BMS1: variants seen among roughly 807,000 people sequenced by gnomAD.
BMS1 encodes BMS1 ribosome biogenesis factor, also known as ribosome biogenesis protein BMS1 homolog.
A neutral mutation model predicts 138.7 loss-of-function variants in BMS1; 53 were observed. That is an observed-to-expected ratio of 0.38 (90% CI 0.31 to 0.48). The LOEUF is 0.48. BMS1 is among the 20% of genes least tolerant of loss of function. The pLI is 0.97. For missense variants in BMS1, 1,360 were observed against 1,565.5 expected (o/e 0.87, Z 2.22); for synonymous variants, 504 against 539.9 (o/e 0.93, Z 0.92).
intron 4 of BMS1, 83 bp downstream of exon 4, chr10:42,787,330 G>C (rs1349524727): frequency 2.4e-5 from 24 of 1,006,610 alleles, no homozygotes; most frequent in Non-Finnish European, 1.5e-6. Flanking sequence ...GAAGGGAAGA[G>C]AGTCTTATAA....
At chr10:42,817,842 A>T (rs187980991) in intron 15 of BMS1, among the ~76,000 whole-genome samples, 1 of 152,230 alleles carries the variant, frequency 6.6e-6, no homozygotes, top group South Asian at 2.1e-4. Flanking sequence ...GCCTATTCCA[A>T]TCGCTGCTCC....
intron 5 of BMS1, among the ~76,000 whole-genome samples, chr10:42,791,369 G>A (rs1045538433): frequency 1.3e-5 from 2 of 152,104 alleles, no homozygotes; most frequent in Admixed American, 6.6e-5. Context: ...CCACAGAACC[G>A]TTTCTGTGCT....
chr10:42,818,932 C>T lies in BMS1; in HGVS notation c.2581-1304C>T, dbSNP rs184528916. Reference sequence around the variant, plus strand: ...ATGGAGGCGAAGCATTGTTCAGATCCTGCTGCCATGTTAACTACGGTGAAG... The same window carrying T: ...ATGGAGGCGAAGCATTGTTCAGATCTTGCTGCCATGTTAACTACGGTGAAG... On this transcript the variant is annotated intron_variant, in intron 15 of 22. Transcript: ENST00000374518. 8.7e-4 allele frequency among the ~76,000 whole-genome samples: 133 copies of T among 152,300 alleles called. 3 individuals are homozygous for T. The highest frequency in any genetic ancestry group is 8.1e-3 in the Admixed American group (124 of 15,296).
chr10:42,820,758 G>T (rs1842483609), intron 17 of BMS1, 70 bp downstream of exon 17: 8 of 1,549,780 alleles, frequency 5.2e-6, no homozygotes, highest in Non-Finnish European at 7.0e-6. Flanking sequence ...TTATAGCTTT[G>T]TGCTTTTCTT....
At chr10:42,785,247 C>A (rs752739436) in intron 2 of BMS1, among the ~76,000 whole-genome samples, 1 of 152,124 alleles carries the variant, frequency 6.6e-6, no homozygotes, top group African/African-American at 2.4e-5. Flanking sequence ...GTATTGAAGT[C>A]ATCTTGTTAC....
chr10:42,790,276 G>C, intron 4 of BMS1, 47 bp from the exon 5 acceptor site: 2 of 1,596,222 alleles, frequency 1.3e-6, no homozygotes, highest in Non-Finnish European at 1.7e-6. Flanking sequence ...TAGTGTAGGT[G>C]GTCTGTTTTG....
In BMS1 at chr10:42,831,241, GA is replaced by G. The variant is rs1842794502; in HGVS notation, c.*146del. On this transcript the variant is annotated 3_prime_UTR_variant, in exon 23 of 23. Transcript: ENST00000374518. The stretch of plus-strand genomic sequence containing the variant: ...AACTGTGCCTGCAGGAGGAGGAACA[GA>G]GAAGCCTGGGCTGCTGGGACTGGGT... 2.3e-6 allele frequency: 2 copies of G among 867,280 alleles called. No homozygotes were observed. The highest frequency in any genetic ancestry group is 3.7e-5 in the South Asian group (2 of 54,280). 53.7% of individuals were successfully genotyped at this position (867,280 alleles called of 1,614,324 possible). A position where few individuals can be genotyped will look rare whatever the true frequency, so the allele number is the denominator to read the frequency against.
At chr10:42,816,083 C>T (rs927976691) in intron 13 of BMS1, among the ~76,000 whole-genome samples, 2 of 151,994 alleles carry the variant, frequency 1.3e-5, no homozygotes, top group Admixed American at 6.6e-5. Context: ...GGGCAGATCA[C>T]GAGGTCAGGA....
rs756140823 is a variant in BMS1 at position 42,832,670 on chromosome 10, C to T, written c.*1574C>T. 1 of 152,042 alleles carries T rather than the reference C, an allele frequency of 6.6e-6. No individual in the cohort carries two copies. The highest frequency in any genetic ancestry group is 6.6e-5 in the Admixed American group (1 of 15,262). The allele number at this position is 152,042 out of a possible 1,614,324, so 9.4% of individuals were successfully genotyped here. A position where few individuals can be genotyped will look rare whatever the true frequency, so the allele number is the denominator to read the frequency against. ...TGTAGGCAGGTGCTCAGCTTTGTAT[C>T]TCCATAAGAAGGGAAGAGGATGTGA... On this transcript the variant is annotated 3_prime_UTR_variant, in exon 23 of 23. Coordinates refer to ENST00000374518, the MANE Select transcript of BMS1 (RefSeq NM_014753.4).
At chr10:42,788,522 T>C (rs1461139764) in intron 4 of BMS1, among the ~76,000 whole-genome samples, 3 of 152,216 alleles carry the variant, frequency 2.0e-5, no homozygotes, top group Admixed American at 6.5e-5. Context: ...TTCATTCTTA[T>C]AGTTATTCTG....
intron 13 of BMS1, among the ~76,000 whole-genome samples, chr10:42,816,209 G>A (rs1451003981): frequency 6.6e-6 from 1 of 152,158 alleles, no homozygotes; most frequent in Non-Finnish European, 1.5e-5. Flanking sequence ...TGAGGCAGTA[G>A]AATTGCTTGA....
At chr10:42,818,200 T>C (rs1162257806) in intron 15 of BMS1, among the ~76,000 whole-genome samples, 5 of 152,272 alleles carry the variant, frequency 3.3e-5, no homozygotes, top group Admixed American at 2.6e-4. Flanking sequence ...GGTCTTCATC[T>C]AGTCAAAGGA....
chr10:42,820,543 C>T lies in BMS1; in HGVS notation c.2805C>T (p.Ile935=). The change falls in exon 17 of 23, where the codon ATC becomes ATT. Residue 935 remains isoleucine, a synonymous_variant. Transcript: ENST00000374518. ...AGAAACATCGCTGGTATAAGAAAAT[C>T]CTCAAGTCCCGAGATCCAATCATAT... ...RLKKHRWYKK[I]LKSRDPIIFS... 6.2e-7 allele frequency: 1 copy of T among 1,610,830 alleles called. No homozygotes were observed. The highest frequency in any genetic ancestry group is 1.7e-5 in the Admixed American group (1 of 59,758).
chr10:42,808,775 A>G (rs532653085), intron 13 of BMS1, among the ~76,000 whole-genome samples: 52 of 152,066 alleles, frequency 3.4e-4, no homozygotes, highest in Non-Finnish European at 4.6e-4. Flanking sequence ...ATTTTATTGA[A>G]TTGCTTTTGA....
At chr10:42,802,056 T>C in intron 12 of BMS1, 81 bp from the exon 13 acceptor site, 1 of 1,055,342 alleles carries the variant, frequency 9.5e-7, no homozygotes. Flanking sequence ...TAAAGGCAAG[T>C]TGTCACCTAC....
Position 42,831,248 on chromosome 10 carries a change from C to A in BMS1, c.*152C>A. The stretch of plus-strand genomic sequence containing the variant: ...CCTGCAGGAGGAGGAACAGAGAAGC[C>A]TGGGCTGCTGGGACTGGGTTCATTC... On this transcript the variant is annotated 3_prime_UTR_variant, in exon 23 of 23. Coordinates refer to ENST00000374518, the MANE Select transcript of BMS1 (RefSeq NM_014753.4). The A allele has an allele frequency of 1.3e-6, 1 of 790,488 alleles. No homozygotes were observed. The highest frequency in any genetic ancestry group is 2.0e-6 in the Non-Finnish European group (1 of 502,070). 49.0% of individuals were successfully genotyped at this position (790,488 alleles called of 1,614,324 possible).
At chr10:42,813,890 G>T (rs1469302501) in intron 13 of BMS1, among the ~76,000 whole-genome samples, 2 of 152,068 alleles carry the variant, frequency 1.3e-5, no homozygotes, top group Non-Finnish European at 2.9e-5. Flanking sequence ...ATGGGATATA[G>T]AATTTGCAAC....
Position 42,785,382 on chromosome 10 carries a change from A to G in BMS1, c.177-100A>G, listed in dbSNP as rs17158174. ...AAAATGTGCTAAAGTACTCATAGCT[A>G]TAAGTGTACCAAAAAAGTCTACTTA... On this transcript the variant is annotated intron_variant, in intron 2 of 22. Transcript: ENST00000374518. 7.0e-3 allele frequency: 7,093 copies of G among 1,010,268 alleles called. 353 individuals carry two copies. In the African/African-American group the frequency reaches 0.1, roughly 15 times the overall value. 62.6% of individuals were successfully genotyped at this position (1,010,268 alleles called of 1,614,324 possible).
intron 13 of BMS1, among the ~76,000 whole-genome samples, chr10:42,811,555 C>T (rs376308120): frequency 9.3e-6 from 1 of 108,092 alleles, no homozygotes; most frequent in Admixed American, 1.2e-4. Context: ...GACGGAGTCT[C>T]GCTCTGTCGC....
Sources: allele counts gnomAD v4.1 joint callset (sites outside exome capture counted in the v4.1 genomes callset), GRCh38; gene constraint gnomAD v4.1.1; transcripts MANE v1.5; gene names NCBI Gene and HGNC (gene_info 2026-07-23, HGNC 2026-07-21).